The following RTL5 variants were observed in gnomAD, a reference collection of about 807,000 sequenced individuals.
RTL5 encodes retrotransposon Gag like 5.
Under a neutral mutation model 7.7 loss-of-function variants are expected in RTL5, and 8 were observed. The observed-to-expected ratio is 1.04, with a 90% CI of 0.61 to 1.88. The LOEUF (loss-of-function observed/expected upper bound fraction) is 1.88. Ranked by LOEUF, RTL5 falls within the 40% of genes most tolerant of loss-of-function variation. RTL5 has a pLI of 0.00. For synonymous variants in RTL5, 188 were observed against 191.8 expected, an observed-to-expected ratio of 0.98 and a Z score of 0.16; for missense variants, 457 against 472.7, an observed-to-expected ratio of 0.97 and a Z score of 0.31.
chrX:72,130,386 TTCCTCCTTCTTCATCTCCTCC>T (rs1175071388), exon 1 of RTL5: 1 of 1,171,193 alleles, frequency 8.5e-7, no homozygotes, highest in Non-Finnish European at 1.1e-6. Flanking sequence ...TCTTCATTTC[TTCCTCCTTCTTCATCTCCTCC>T]TCCTCCTTCT....
chrX:72,131,809 C>T, exon 1 of RTL5: 1 of 212,216 alleles, frequency 4.7e-6, no homozygotes, highest in Admixed American at 7.9e-5. Flanking sequence ...AGGCGCCAGG[C>T]GGAGGATGCG....
In RTL5 at chrX:72,130,444, A is replaced by G. The variant is rs146618350; in HGVS notation, c.1097T>C (p.Met366Thr). 1,034 of 1,203,426 alleles carry G rather than the reference A, an allele frequency of 8.6e-4. 6 individuals carry two copies. In the African/African-American group the frequency reaches 0.017, roughly 19 times the overall value. Residue 366 changes from methionine (M) to threonine (T), a missense_variant, in exon 1 of 1, where the codon ATG becomes ACG. By Grantham distance (81) the Met-to-Thr change is moderately conservative (BLOSUM62 -1). Transcript: ENST00000609883. Reference sequence around the variant, plus strand: ...CTTCATCTCTTGCTGAAAAGCCCTCATGCGCTTCCTCTGGTCCTTGGAGTG... The same window carrying G: ...CTTCATCTCTTGCTGAAAAGCCCTCGTGCGCTTCCTCTGGTCCTTGGAGTG...
exon 1 of RTL5, chrX:72,131,163 C>T: frequency 9.3e-7 from 1 of 1,079,855 alleles, no homozygotes; most frequent in Non-Finnish European, 1.2e-6. Context: ...CCGGCGGGGG[C>T]GGGATGGGCA....
At chrX:72,127,715 A>C (rs2042241455), downstream of RTL5, 1 of 112,873 alleles carries the variant, frequency 8.9e-6, no homozygotes, top group African/African-American at 3.2e-5. Flanking sequence ...AATCAGCTGA[A>C]AAACAGACAA....
At chrX:72,129,558 C>T (rs2042262267) in exon 1 of RTL5, 1 of 337,279 alleles carries the variant, frequency 3.0e-6, no homozygotes. Flanking sequence ...GGCCCAGAAA[C>T]TTGCTCTCCA....
rs185351223 is a variant in RTL5, at chrX:72,131,487, C to A, written c.54G>T (p.Leu18=). ...CGCGAAGGGCATTTAATTCTTCGCG[C>A]AGGGCCACATTCGCCATGCGGAGGC... The change falls in exon 1 of 1, where the codon CTG becomes CTT. Residue 18 remains leucine (L), a synonymous_variant. Transcript: ENST00000609883. 3.7e-3 allele frequency: 4,462 copies of A among 1,203,002 alleles called. 121 individuals carry two copies. The African/African-American group carries it at 0.071, about 19-fold the overall frequency.
chrX:72,129,943 C>G, exon 1 of RTL5: 1 of 1,211,066 alleles, frequency 8.3e-7, no homozygotes, highest in Admixed American at 2.2e-5. Flanking sequence ...ACCTGTGCGG[C>G]GAATCAGTTG....
At chrX:72,127,584 G>A (rs145832486), downstream of RTL5, 17 of 111,008 alleles carry the variant, frequency 1.5e-4, no homozygotes, top group East Asian at 4.5e-3. Context: ...ACAGGGACAT[G>A]GGGCAGCAGG....
chrX:72,131,728 C>G (rs2042303285), exon 1 of RTL5: 2 of 327,734 alleles, frequency 6.1e-6, no homozygotes, highest in Non-Finnish European at 9.9e-6. Context: ...GCGGAGGGCC[C>G]GGCGGCTCGG....
At chrX:72,129,495 A>C (rs1191857996) in exon 1 of RTL5, 2 of 234,402 alleles carry the variant, frequency 8.5e-6, no homozygotes, top group Non-Finnish European at 7.7e-6. Flanking sequence ...GGTGAGGGTT[A>C]GGAACAACCA....
exon 1 of RTL5, chrX:72,130,932 G>A (rs757281168): frequency 8.3e-7 from 1 of 1,211,952 alleles, no homozygotes; most frequent in Non-Finnish European, 1.1e-6. Context: ...TGACCGAGAT[G>A]GCCCAGTCCT....
chrX:72,130,899 A>G (rs769991265), exon 1 of RTL5: 104 of 1,211,888 alleles, frequency 8.6e-5, no homozygotes, highest in Non-Finnish European at 1.2e-4. Flanking sequence ...GGAAGTTGGC[A>G]TGCAAGGGGC....
exon 1 of RTL5, chrX:72,131,286 G>C (rs754097427): frequency 3.3e-6 from 4 of 1,200,137 alleles, no homozygotes; most frequent in Non-Finnish European, 4.5e-6. Context: ...GGCACAAGAA[G>C]GGCAGTTCTC....
At chrX:72,128,278 G>T (rs1021249419) in exon 1 of RTL5, 1 of 111,735 alleles carries the variant, frequency 8.9e-6, no homozygotes, top group South Asian at 3.8e-4. Context: ...CCTAAGGTCC[G>T]CCTGAGATTA....
exon 1 of RTL5, chrX:72,130,955 T>G (rs2042287839): frequency 1.8e-5 from 22 of 1,209,040 alleles, no homozygotes; most frequent in Non-Finnish European, 2.5e-5. Context: ...GCTTCGCCAG[T>G]GAAAAAGGAG....
In RTL5 at chrX:72,129,798, G is replaced by A. The variant is rs746650508; in HGVS notation, c.*33C>T. Reference sequence around the variant, plus strand: ...GCAGGGGCGGGGGATGCAAAAGAAGGGTGTGTTCTGGGTGGCCATCTGGCC... The same window carrying A: ...GCAGGGGCGGGGGATGCAAAAGAAGAGTGTGTTCTGGGTGGCCATCTGGCC... On this transcript the variant is annotated 3_prime_UTR_variant, in exon 1 of 1. Transcript: ENST00000609883. 2.6e-6 allele frequency: 3 copies of A among 1,152,399 alleles called. No homozygotes were observed. The African/African-American group carries it at 5.4e-5, about 21-fold the overall frequency. The allele number at this position is 1,152,399 out of a possible 1,213,427, so 95.0% of individuals were successfully genotyped here. A position where few individuals can be genotyped will look rare whatever the true frequency, so the allele number is the denominator to read the frequency against.
exon 1 of RTL5, chrX:72,129,762 T>C: frequency 3.9e-6 from 4 of 1,033,689 alleles, no homozygotes; most frequent in Non-Finnish European, 5.2e-6. Context: ...GGGGCAGGTA[T>C]GGCAGCAATA....
chrX:72,131,569 C>G, exon 1 of RTL5: 1 of 1,140,276 alleles, frequency 8.8e-7, no homozygotes, highest in Non-Finnish European at 1.2e-6. Flanking sequence ...CCTGGGGCTC[C>G]GTGGTGGGGA....
exon 1 of RTL5, chrX:72,130,999 A>G: frequency 8.3e-7 from 1 of 1,210,973 alleles, no homozygotes; most frequent in Non-Finnish European, 1.1e-6. Flanking sequence ...GCCCCCGGGG[A>G]AATGAACCTC....
Sources: gnomAD v4.1 joint callset for allele counts on GRCh38, gnomAD v4.1.1 for gene constraint, MANE v1.5 for transcripts, NCBI Gene and HGNC (gene_info 2026-07-23, HGNC 2026-07-21) for gene names.